Variants in MTR observed in about 807,000 individuals in gnomAD.
MTR encodes the protein methionine synthase.
Under a neutral mutation model 154.8 loss-of-function variants are expected in MTR, and 84 were observed. The ratio of observed to expected loss-of-function variants is 0.54; its 90% CI spans 0.45 to 0.65. MTR has a LOEUF of 0.65. MTR is among the 30% of genes least tolerant of loss of function. The probability of loss-of-function intolerance (pLI) is 0.00; values close to 1 mark genes in which losing one functional copy is unlikely to be tolerated. For missense variants in MTR, 1,275 were observed against 1,570.2 expected (o/e 0.81, Z 3.18); for synonymous variants, 554 against 553.9 (o/e 1.00, Z 0.00).
chr1:236,850,004 A>G (rs1663806069), intron 15 of MTR, among the ~76,000 whole-genome samples: 1 of 152,090 alleles, frequency 6.6e-6, no homozygotes, highest in Non-Finnish European at 1.5e-5. Flanking sequence ...GTATTTTTAG[A>G]AGCTTTTTCA....
chr1:236,894,603 C>G, intron 30 of MTR, 46 bp downstream of exon 30: 14 of 1,605,430 alleles, frequency 8.7e-6, no homozygotes, highest in Non-Finnish European at 1.2e-5. Flanking sequence ...AGAGGCCAGG[C>G]AGTAGGGAGC....
chr1:236,804,760 T>A (rs1660883561), intron 2 of MTR, among the ~76,000 whole-genome samples: 1 of 152,190 alleles, frequency 6.6e-6, no homozygotes, highest in Non-Finnish European at 1.5e-5. Context: ...ACCACTGATA[T>A]TAGTTGGTGT....
At chr1:236,870,670 C>T (rs1420922637) in intron 22 of MTR, among the ~76,000 whole-genome samples, 1 of 152,144 alleles carries the variant, frequency 6.6e-6, no homozygotes, top group African/African-American at 2.4e-5. Flanking sequence ...AATTGTATCT[C>T]CACTGTGGAT....
rs186751864 is a variant in MTR, at chr1:236,898,123, G to A, written c.*479G>A. The stretch of plus-strand genomic sequence containing the variant: ...CTAAGTGGTTATAACAGTGGATTCT[G>A]ACGGGGAAGGTGTAGCTCTGTTCTC... On this transcript the variant is annotated 3_prime_UTR_variant, in exon 33 of 33. Coordinates refer to ENST00000366577, the MANE Select transcript of MTR (RefSeq NM_000254.3). 2.8e-5 allele frequency: 5 copies of A among 181,758 alleles called. No homozygotes were observed. The East Asian group carries it at 4.9e-4, about 18-fold the overall frequency. The allele number at this position is 181,758 out of a possible 1,614,324, so 11.3% of individuals were successfully genotyped here. A position where few individuals can be genotyped will look rare whatever the true frequency, so the allele number is the denominator to read the frequency against.
rs1418702835 is a variant in MTR, at chr1:236,898,889, T to C, written c.*1245T>C. The stretch of plus-strand genomic sequence containing the variant: ...GGTGCCACCACTCAAGCAACAAGCC[T>C]CAAACTCAACCATGTCATCTTTTTC... On this transcript the variant is annotated 3_prime_UTR_variant, in exon 33 of 33. Transcript: ENST00000366577. 1 of 152,140 alleles carries C rather than the reference T, an allele frequency of 6.6e-6. No homozygotes were observed. Among genetic ancestry groups the C allele is most frequent in the Non-Finnish European group, 1.5e-5 (1 of 68,014 alleles). The allele number at this position is 152,140 out of a possible 1,614,324, so 9.4% of individuals were successfully genotyped here.
intron 20 of MTR, 117 bp downstream of exon 20, chr1:236,861,394 G>A: frequency 7.2e-7 from 1 of 1,388,862 alleles, no homozygotes; most frequent in South Asian, 1.2e-5. Flanking sequence ...AATGGTATTG[G>A]CTAGTCATTC....
intron 22 of MTR, 98 bp downstream of exon 22, chr1:236,863,652 G>T: frequency 9.5e-7 from 1 of 1,050,544 alleles, no homozygotes; most frequent in Non-Finnish European, 1.5e-6. Flanking sequence ...GTAGGGCATG[G>T]CAGTGGATGT....
chr1:236,815,554 C>A (rs753115167), intron 6 of MTR, 50 bp from the exon 7 acceptor site: 1 of 1,586,256 alleles, frequency 6.3e-7, no homozygotes, highest in Non-Finnish European at 8.7e-7. Flanking sequence ...TTAGACTAAT[C>A]TTGGACACAC....
chr1:236,853,894 C>T (rs1393338766), intron 18 of MTR, among the ~76,000 whole-genome samples: 2 of 152,280 alleles, frequency 1.3e-5, no homozygotes, highest in African/African-American at 4.8e-5. Flanking sequence ...AAGTATCTAT[C>T]GTAGATGGTT....
intron 16 of MTR, 143 bp from the exon 17 acceptor site, chr1:236,852,378 T>G (rs138667281): frequency 4.2e-6 from 3 of 706,240 alleles, no homozygotes; most frequent in Non-Finnish European, 7.5e-6. Flanking sequence ...GGTCTATGTC[T>G]AGTAACAAGA....
intron 18 of MTR, among the ~76,000 whole-genome samples, chr1:236,857,592 C>T (rs1297752174): frequency 6.6e-6 from 1 of 152,222 alleles, no homozygotes; most frequent in African/African-American, 2.4e-5. Flanking sequence ...ATTAATTCAT[C>T]CAGCTAATAT....
rs1051979463 is a variant in MTR at position 236,862,338 on chromosome 1, G to C, written c.2299G>C (p.Glu767Gln). ...ETRVLNGTVE[E>Q]EDPYQGTIVL... ...CAGAGTGCTTAACGGCACAGTAGAA[G>C]AAGAGGCAAGTCATTTTGTTCAGGC... Residue 767 changes from glutamate to glutamine, a missense_variant, in exon 21 of 33, where the codon GAA (glutamate) becomes CAA (glutamine). Glu to Gln is a conservative substitution (Grantham distance 29). Transcript: ENST00000366577. 7 of 1,612,386 alleles carry C rather than the reference G, an allele frequency of 4.3e-6. No individual in the cohort carries two copies. The Admixed American group carries it at 8.3e-5, about 19-fold the overall frequency.
intron 29 of MTR, among the ~76,000 whole-genome samples, chr1:236,892,261 T>C (rs1666369406): frequency 6.6e-6 from 1 of 152,124 alleles, no homozygotes; most frequent in Non-Finnish European, 1.5e-5. Context: ...TGCTTGAGCC[T>C]AGGAGTTTGA....
At chr1:236,828,838 C>T (rs1041526132) in intron 11 of MTR, among the ~76,000 whole-genome samples, 3 of 150,748 alleles carry the variant, frequency 2.0e-5, no homozygotes, top group African/African-American at 7.3e-5. Context: ...GTAGATTTGA[C>T]AGAGTAAAAG....
rs1176642830 is a variant in MTR at position 236,897,910 on chromosome 1, G to T, written c.*266G>T. On this transcript the variant is annotated 3_prime_UTR_variant, in exon 33 of 33. Coordinates refer to ENST00000366577, the MANE Select transcript of MTR (RefSeq NM_000254.3). Reference sequence around the variant, plus strand: ...GTTTCCCTGGTCCCTCTGAGATGGGGACAGACTGAAGACAGAGGTCGTTTG... The same window carrying T: ...GTTTCCCTGGTCCCTCTGAGATGGGTACAGACTGAAGACAGAGGTCGTTTG... 4 of 478,940 alleles carry T rather than the reference G, an allele frequency of 8.4e-6. No homozygotes were observed. The highest frequency in any genetic ancestry group is 1.5e-5 in the Non-Finnish European group (4 of 268,994). The allele number at this position is 478,940 out of a possible 1,614,324, so 29.7% of individuals were successfully genotyped here.
chr1:236,861,415 T>C, intron 20 of MTR, 138 bp downstream of exon 20: 1 of 1,294,662 alleles, frequency 7.7e-7, no homozygotes, highest in Non-Finnish European at 1.1e-6. Flanking sequence ...CTTCTCTAAA[T>C]ATGTTTAGGA....
At chr1:236,853,513 T>C (rs976813940) in intron 18 of MTR, among the ~76,000 whole-genome samples, 2 of 152,238 alleles carry the variant, frequency 1.3e-5, no homozygotes, top group African/African-American at 4.8e-5. Flanking sequence ...TGAATATGCA[T>C]GCATAGGTAC....
In MTR at chr1:236,843,721, A is replaced by G. The variant is rs147771991; in HGVS notation, c.1515+5122A>G. Among the ~76,000 whole-genome samples, 4 of 152,346 alleles carry G rather than the reference A, an allele frequency of 2.6e-5. No homozygotes were observed. In the East Asian group the frequency reaches 7.7e-4, roughly 29 times the overall value. ...TTAACATAGAGCCAATAGGATTTGTATTCACATTGGGTATAGGTTGTGAAA... is the reference window on the plus strand; with the variant it reads ...TTAACATAGAGCCAATAGGATTTGTGTTCACATTGGGTATAGGTTGTGAAA... On this transcript the variant is annotated intron_variant, in intron 15 of 32. Transcript: ENST00000366577.
chr1:236,897,121 A>G lies in MTR; in HGVS notation c.3711+3A>G. On this transcript the variant is annotated splice_donor_region_variant and intron_variant, in intron 32 of 32. Coordinates refer to ENST00000366577, the MANE Select transcript of MTR (RefSeq NM_000254.3). Reference sequence around the variant, plus strand: ...TGGGGAAGATTTCCAAGGATCAGGTAAGCTAGCTGTTGCATTATATGTGGC... The same window carrying G: ...TGGGGAAGATTTCCAAGGATCAGGTGAGCTAGCTGTTGCATTATATGTGGC... 6.2e-7 allele frequency: 1 copy of G among 1,601,738 alleles called. No individual in the cohort carries two copies. Among genetic ancestry groups the G allele is most frequent in the Non-Finnish European group, 8.6e-7 (1 of 1,168,698 alleles).
Sources: allele counts gnomAD v4.1 joint callset (sites outside exome capture counted in the v4.1 genomes callset), GRCh38; gene constraint gnomAD v4.1.1; transcripts MANE v1.5; gene names NCBI Gene and HGNC (gene_info 2026-07-23, HGNC 2026-07-21).